The following PEAK1 variants were observed in gnomAD, a reference collection of about 807,000 sequenced individuals.
PEAK1 encodes pseudopodium enriched atypical kinase 1.
Under a neutral mutation model 124.7 loss-of-function variants are expected in PEAK1, and 54 were observed. The observed-to-expected ratio is 0.43, with a 90% CI of 0.35 to 0.54. The LOEUF (loss-of-function observed/expected upper bound fraction) is 0.54, where lower values mean the gene tolerates loss of function less well. Ranked by LOEUF, PEAK1 falls within the 20% of genes least tolerant of loss-of-function variation. The pLI, the probability that PEAK1 is intolerant of heterozygous loss-of-function variation, is 0.01. For missense variants in PEAK1, 2,046 were observed against 2,134.5 expected (o/e 0.96, Z 0.82); for synonymous variants, 719 against 760.0 (o/e 0.95, Z 0.89).
chr15:77,179,369 G>A lies in PEAK1; in HGVS notation c.2558C>T (p.Pro853Leu), dbSNP rs1373530890. Reference protein sequence around the residue: ...QKDPSIKPVTPSPSKLVTSPQ... With the variant: ...QKDPSIKPVTLSPSKLVTSPQ... The stretch of plus-strand genomic sequence containing the variant: ...GCTAGTCACTAATTTGGAGGGAGAG[G>A]GGGTGACTGGCTTTATGGATGGGTC... The change falls in exon 7 of 10, where the codon CCC becomes CTC. Residue 853 changes from proline (P) to leucine (L), a missense_variant. Pro to Leu is a moderately conservative substitution (Grantham distance 98). Transcript: ENST00000682557. The A allele has an allele frequency of 1.9e-6, 3 of 1,614,038 alleles. No individual in the cohort carries two copies. Among genetic ancestry groups the A allele is most frequent in the Admixed American group, 1.7e-5 (1 of 60,004 alleles).
chr15:77,386,909 G>A (rs1188884324), intron 1 of PEAK1, among the ~76,000 whole-genome samples: 1 of 152,152 alleles, frequency 6.6e-6, no homozygotes, highest in Non-Finnish European at 1.5e-5. Context: ...AGCAGATGGA[G>A]AGGGATCCTC....
At chr15:77,311,592 GAAC>G (rs1433659606) in intron 2 of PEAK1, among the ~76,000 whole-genome samples, 1 of 144,446 alleles carries the variant, frequency 6.9e-6, no homozygotes, top group Non-Finnish European at 1.5e-5. Context: ...AGAATTGCTT[GAAC>G]CCAAGAAGCG....
chr15:77,370,411 T>C (rs1451630475), intron 1 of PEAK1, among the ~76,000 whole-genome samples: 1 of 152,072 alleles, frequency 6.6e-6, no homozygotes, highest in Admixed American at 6.5e-5. Flanking sequence ...CAGGGGAAAA[T>C]GTTTAGGTAC....
intron 9 of PEAK1, among the ~76,000 whole-genome samples, chr15:77,117,201 A>G (rs1389134147): frequency 6.6e-6 from 1 of 152,200 alleles, no homozygotes; most frequent in African/African-American, 2.4e-5. Context: ...GCTGAATCAG[A>G]TTGGATGGTT....
chr15:77,357,782 C>G (rs965681463), intron 2 of PEAK1, among the ~76,000 whole-genome samples: 1 of 152,158 alleles, frequency 6.6e-6, no homozygotes, highest in Non-Finnish European at 1.5e-5. Flanking sequence ...TTTATACTAT[C>G]TAAATTTCTG....
intron 8 of PEAK1, chr15:77,156,139 G>C (rs556370336): frequency 6.5e-6 from 1 of 153,740 alleles, no homozygotes; most frequent in African/African-American, 2.4e-5. Flanking sequence ...TTGAGCTGTG[G>C]TGGGCTCCAC....
At chr15:77,150,951 T>G (rs1376746451) in intron 8 of PEAK1, among the ~76,000 whole-genome samples, 1 of 152,138 alleles carries the variant, frequency 6.6e-6, no homozygotes, top group Non-Finnish European at 1.5e-5. Context: ...TTTGCTATTG[T>G]GAATAATGCC....
intron 2 of PEAK1, among the ~76,000 whole-genome samples, chr15:77,302,469 C>T (rs1236326965): frequency 6.6e-6 from 1 of 152,104 alleles, no homozygotes; most frequent in Non-Finnish European, 1.5e-5. Flanking sequence ...ACAACTGCCA[C>T]CCATTTTCTT....
chr15:77,265,163 C>G (rs1214260184), intron 5 of PEAK1, among the ~76,000 whole-genome samples: 1 of 152,062 alleles, frequency 6.6e-6, no homozygotes, highest in East Asian at 1.9e-4. Context: ...TAGAAGAAAA[C>G]CCAGGCATTA....
intron 2 of PEAK1, chr15:77,350,909 GGCC>G: frequency 2.0e-6 from 2 of 985,156 alleles, no homozygotes; most frequent in Non-Finnish European, 2.4e-6. Context: ...CTACAAACAT[GGCC>G]CTCTATTTAG....
intron 2 of PEAK1, among the ~76,000 whole-genome samples, chr15:77,357,799 T>C (rs2067616099): frequency 6.6e-6 from 1 of 152,210 alleles, no homozygotes; most frequent in African/African-American, 2.4e-5. Context: ...TCTGACCACA[T>C]ACCTTTTCTA....
chr15:77,361,702 G>A (rs2067897564), intron 2 of PEAK1, among the ~76,000 whole-genome samples: 1 of 152,172 alleles, frequency 6.6e-6, no homozygotes. Flanking sequence ...AATATCATAT[G>A]ATCCAGCAAT....
At chr15:77,263,636 C>T (rs2061557884) in intron 5 of PEAK1, among the ~76,000 whole-genome samples, 1 of 152,192 alleles carries the variant, frequency 6.6e-6, no homozygotes, top group Admixed American at 6.5e-5. Context: ...CAAAAAAAGG[C>T]CAGGACCAGA....
chr15:77,199,012 C>T (rs1039251846), intron 6 of PEAK1, among the ~76,000 whole-genome samples: 7 of 152,128 alleles, frequency 4.6e-5, no homozygotes, highest in African/African-American at 1.7e-4. Context: ...GAGAAGTAAG[C>T]ACCAGGATTT....
At chr15:77,143,779 A>G (rs776677174) in intron 8 of PEAK1, among the ~76,000 whole-genome samples, 3 of 152,206 alleles carry the variant, frequency 2.0e-5, no homozygotes, top group Non-Finnish European at 2.9e-5. Flanking sequence ...AAGCACTTAC[A>G]ACCCTTGACT....
At chr15:77,241,782 T>C (rs893373423) in intron 6 of PEAK1, among the ~76,000 whole-genome samples, 3 of 151,756 alleles carry the variant, frequency 2.0e-5, no homozygotes, top group Admixed American at 6.6e-5. Flanking sequence ...AAGCCAAGTA[T>C]AGGAGGGGTA....
At chr15:77,419,440 G>A in intron 1 of PEAK1, 2 of 985,340 alleles carry the variant, frequency 2.0e-6, no homozygotes. Flanking sequence ...AAACGACCCC[G>A]CCAGCCCACA....
intron 9 of PEAK1, among the ~76,000 whole-genome samples, chr15:77,125,170 ATAT>A (rs1304901906): frequency 1.3e-5 from 2 of 152,180 alleles, no homozygotes; most frequent in Non-Finnish European, 2.9e-5. Context: ...TATGGACATG[ATAT>A]TATAATAGAT....
rs572330480 is a variant in PEAK1, at chr15:77,233,572, C to T, written c.-115+18795G>A. Reference sequence around the variant, plus strand: ...CAAAAATATCCCTATCTTCCTTTTCCCATCTTTATCCATTCTCTTGCCCTA... The same window carrying T: ...CAAAAATATCCCTATCTTCCTTTTCTCATCTTTATCCATTCTCTTGCCCTA... On this transcript the variant is annotated intron_variant, in intron 6 of 9. Transcript: ENST00000682557. Among the ~76,000 whole-genome samples, 33 of 152,250 alleles carry T rather than the reference C, an allele frequency of 2.2e-4. 1 individual carries two copies. The South Asian group carries it at 6.2e-3, about 29-fold the overall frequency.
Sources: allele counts gnomAD v4.1 joint callset (sites outside exome capture counted in the v4.1 genomes callset), GRCh38; gene constraint gnomAD v4.1.1; transcripts MANE v1.5; gene names NCBI Gene and HGNC (gene_info 2026-07-23, HGNC 2026-07-21).